PDE7A: variants seen among roughly 807,000 people sequenced by gnomAD.
PDE7A encodes the protein phosphodiesterase 7A.
A neutral mutation model predicts 64.3 loss-of-function variants in PDE7A; 39 were observed. That is an observed-to-expected ratio of 0.61 (90% CI 0.47 to 0.79). The LOEUF (loss-of-function observed/expected upper bound fraction) is 0.79, where lower values mean the gene tolerates loss of function less well. PDE7A is among the 30% of genes least tolerant of loss of function. The pLI is 0.00. For synonymous variants in PDE7A, 203 were observed against 206.8 expected (o/e 0.98, Z 0.16); for missense variants, 470 against 582.8 (o/e 0.81, Z 1.99).
In PDE7A at chr8:65,824,260, T is replaced by C. The variant is rs550274047; in HGVS notation, c.138+17111A>G. Among the ~76,000 whole-genome samples, 31 of 152,274 alleles carry C rather than the reference T, an allele frequency of 2.0e-4. No homozygotes were observed. In the South Asian group the frequency reaches 6.4e-3, roughly 32 times the overall value. On this transcript the variant is annotated intron_variant, in intron 1 of 12. Coordinates refer to ENST00000401827, the MANE Select transcript of PDE7A (RefSeq NM_001242318.3). ...TGATCTTTAATGATACTATTGTAAT[T>C]GTCTGGGGCGCCATGAAACTTGTCC...
chr8:65,801,579 T>C (rs894942549), intron 1 of PDE7A, among the ~76,000 whole-genome samples: 6 of 151,752 alleles, frequency 4.0e-5, no homozygotes, highest in African/African-American at 1.5e-4. Context: ...CAATGAGCAA[T>C]AATCATTATA....
At chr8:65,745,214 T>C (rs1193784882) in intron 5 of PDE7A, among the ~76,000 whole-genome samples, 193 bp downstream of exon 5, 1 of 152,216 alleles carries the variant, frequency 6.6e-6, no homozygotes, top group Non-Finnish European at 1.5e-5. Context: ...TATGAGTCCA[T>C]TAAACCTCTT....
chr8:65,736,713 G>A (rs1268218804), intron 6 of PDE7A, among the ~76,000 whole-genome samples: 2 of 151,424 alleles, frequency 1.3e-5, no homozygotes, highest in Non-Finnish European at 2.9e-5. Context: ...TCACGCCACT[G>A]CACTCAAGCC....
Position 65,783,823 on chromosome 8 carries a change from A to C in PDE7A, c.139-980T>G, listed in dbSNP as rs148100503. ...ATAACTGATAAATAAATTGATGAAT[A>C]AATTAGTCACTAACAGAATGGATAT... On this transcript the variant is annotated intron_variant, in intron 1 of 12. Transcript: ENST00000401827. 7.6e-3 allele frequency among the ~76,000 whole-genome samples: 1,153 copies of C among 152,358 alleles called. 8 individuals are homozygous for C. The highest frequency in any genetic ancestry group is 0.011 in the Non-Finnish European group (735 of 68,034).
intron 5 of PDE7A, among the ~76,000 whole-genome samples, chr8:65,742,613 G>A (rs903586348): frequency 6.6e-6 from 1 of 152,184 alleles, no homozygotes; most frequent in African/African-American, 2.4e-5. Flanking sequence ...TACCATGAAT[G>A]TATGTTATCC....
intron 2 of PDE7A, among the ~76,000 whole-genome samples, chr8:65,780,021 C>A (rs1308179096): frequency 6.6e-6 from 1 of 151,722 alleles, no homozygotes; most frequent in Non-Finnish European, 1.5e-5. Context: ...TTTAAATCTA[C>A]CCCTATAATA....
rs576407053 is a variant in PDE7A, at chr8:65,818,447, A to G, written c.138+22924T>C. Among the ~76,000 whole-genome samples, 7 of 152,114 alleles carry G rather than the reference A, an allele frequency of 4.6e-5. No homozygotes were observed. The South Asian group carries it at 1.5e-3, about 32-fold the overall frequency. On this transcript the variant is annotated intron_variant, in intron 1 of 12. Transcript: ENST00000401827. ...TGATATCTCTGCTCATTTTTTTAAT[A>G]TATTCTCATTTTGTATTTTTAAGCC...
At chr8:65,788,956 G>C (rs779706939) in intron 1 of PDE7A, 3 of 1,611,318 alleles carry the variant, frequency 1.9e-6, no homozygotes, top group Non-Finnish European at 2.5e-6. Context: ...TCAATCAAAA[G>C]CCCGCTGCAT....
chr8:65,720,373 A>C (rs1806322607), intron 12 of PDE7A: 1 of 154,168 alleles, frequency 6.5e-6, no homozygotes, highest in South Asian at 2.0e-4. Flanking sequence ...TTCTGATTCT[A>C]TCACGCTTTA....
chr8:65,789,722 T>G (rs1190508053), intron 1 of PDE7A, among the ~76,000 whole-genome samples: 2 of 152,338 alleles, frequency 1.3e-5, no homozygotes, highest in East Asian at 3.9e-4. Flanking sequence ...TCATCCATCT[T>G]CATAACCGAG....
chr8:65,798,631 C>T (rs1809919258), intron 1 of PDE7A, among the ~76,000 whole-genome samples: 1 of 152,148 alleles, frequency 6.6e-6, no homozygotes. Context: ...GGATGCTCAA[C>T]ATGTTTAATC....
chr8:65,779,502 A>G (rs1291853522), intron 3 of PDE7A, among the ~76,000 whole-genome samples: 4 of 152,226 alleles, frequency 2.6e-5, no homozygotes, highest in Non-Finnish European at 5.9e-5. Flanking sequence ...GAGAAAAGCT[A>G]TATCAACTTT....
At chr8:65,730,171 CTTTTTTTTTT>C (rs1179431555) in intron 7 of PDE7A, among the ~76,000 whole-genome samples, 7 of 86,448 alleles carry the variant, frequency 8.1e-5, no homozygotes, top group South Asian at 4.7e-4. Flanking sequence ...TTGCGCACTT[CTTTTTTTTTT>C]TTTTTTTTTT....
chr8:65,755,962 C>T (rs1458028955), intron 3 of PDE7A, among the ~76,000 whole-genome samples: 1 of 152,192 alleles, frequency 6.6e-6, no homozygotes, highest in Non-Finnish European at 1.5e-5. Context: ...TAATGAACTC[C>T]CTCAACTTTT....
chr8:65,819,030 G>A (rs1042086932), intron 1 of PDE7A, among the ~76,000 whole-genome samples: 2 of 152,180 alleles, frequency 1.3e-5, no homozygotes, highest in African/African-American at 4.8e-5. Context: ...AAATTCAAGA[G>A]CATAACATTT....
chr8:65,773,188 C>G (rs866869946), intron 3 of PDE7A, among the ~76,000 whole-genome samples: 2 of 152,080 alleles, frequency 1.3e-5, no homozygotes, highest in South Asian at 4.1e-4. Context: ...TCACAAAACA[C>G]ACTAGATTAC....
chr8:65,716,986 A>C lies in PDE7A; in HGVS notation c.*2304T>G, dbSNP rs1414786298. On this transcript the variant is annotated 3_prime_UTR_variant, in exon 13 of 13. Transcript: ENST00000401827. Reference sequence around the variant, plus strand: ...CTAGTCCAAATTGAGATGTGCTGTAAGTACACAATATACACTGGATTTCAA... The same window carrying C: ...CTAGTCCAAATTGAGATGTGCTGTACGTACACAATATACACTGGATTTCAA... Among the ~76,000 whole-genome samples, 1 of 152,214 alleles carries C rather than the reference A, an allele frequency of 6.6e-6. No homozygotes were observed. Among genetic ancestry groups the C allele is most frequent in the Admixed American group, 6.5e-5 (1 of 15,280 alleles).
At chr8:65,815,734 G>GT (rs1460770992) in intron 1 of PDE7A, among the ~76,000 whole-genome samples, 2 of 117,756 alleles carry the variant, frequency 1.7e-5, no homozygotes, top group African/African-American at 9.9e-5. Context: ...GGATTTTAAT[G>GT]TAACAGTACA....
chr8:65,829,492 A>T lies in PDE7A; in HGVS notation c.138+11879T>A, dbSNP rs193027451. Reference sequence around the variant, plus strand: ...ATTAAAGAAGATATGCCACCCAAATAATGTCCATTAAAGAAAGACGGCAAC... The same window carrying T: ...ATTAAAGAAGATATGCCACCCAAATTATGTCCATTAAAGAAAGACGGCAAC... On this transcript the variant is annotated intron_variant, in intron 1 of 12. Transcript: ENST00000401827. Among the ~76,000 whole-genome samples the T allele has an allele frequency of 5.5e-4, 84 of 152,236 alleles. No individual in the cohort carries two copies. The Middle Eastern group carries it at 0.02, about 37-fold the overall frequency.
Sources: gnomAD v4.1 joint callset for allele counts (sites outside exome capture counted in the v4.1 genomes callset) on GRCh38, gnomAD v4.1.1 for gene constraint, MANE v1.5 for transcripts, NCBI Gene and HGNC (gene_info 2026-07-23, HGNC 2026-07-21) for gene names.